The following WDR70 variants were observed in gnomAD, a reference collection of about 807,000 sequenced individuals.
WDR70 encodes the protein WD repeat domain 70.
WDR70 carries 53 observed loss-of-function variants against 88.6 expected under a neutral mutation model. The observed-to-expected ratio is 0.60, with a 90% CI of 0.48 to 0.75. The LOEUF (loss-of-function observed/expected upper bound fraction) is 0.75, where lower values mean the gene tolerates loss of function less well. Among genes scored for constraint, WDR70 ranks in the 30% least tolerant of loss-of-function variants. WDR70 has a pLI of 0.00. For synonymous variants in WDR70, 280 were observed against 270.0 expected, an observed-to-expected ratio of 1.04 and a Z score of -0.36; for missense variants, 610 against 823.2, an observed-to-expected ratio of 0.74 and a Z score of 3.17.
chr5:37,440,814 A>G (rs949027188), intron 6 of WDR70, among the ~76,000 whole-genome samples: 3 of 152,230 alleles, frequency 2.0e-5, no homozygotes, highest in African/African-American at 4.8e-5. Flanking sequence ...TCTTAGGAGA[A>G]CAGTCAAGTT....
chr5:37,585,954 T>C (rs907595311), intron 9 of WDR70, among the ~76,000 whole-genome samples: 3 of 152,214 alleles, frequency 2.0e-5, no homozygotes, highest in Non-Finnish European at 4.4e-5. Flanking sequence ...CTCCCACTTC[T>C]ACCCCTCAAG....
intron 9 of WDR70, among the ~76,000 whole-genome samples, chr5:37,579,582 C>CAAA (rs201135421): frequency 2.7e-4 from 22 of 82,702 alleles, no homozygotes; most frequent in African/African-American, 7.5e-4. Context: ...GACTCTGTCT[C>CAAA]AAAAAAAAAA....
In WDR70 at chr5:37,443,361, G is replaced by A; in HGVS notation, c.675G>A (p.Gln225=). ...CTTTTAAGGCATTTCGATCCCTTCA[G>A]CCCTGTGAGTGGTATGTATTCACTT... ...DASFKAFRSL[Q]PCECHQIKSL... Residue 225 remains glutamine, a synonymous_variant, in exon 7 of 18, where the codon CAG becomes CAA. Transcript: ENST00000265107. 1 of 1,613,850 alleles carries A rather than the reference G, an allele frequency of 6.2e-7. No individual in the cohort carries two copies. Among genetic ancestry groups the A allele is most frequent in the Non-Finnish European group, 8.5e-7 (1 of 1,179,844 alleles).
At chr5:37,727,152 CT>C in intron 17 of WDR70, 107 bp downstream of exon 17, 2 of 1,357,416 alleles carry the variant, frequency 1.5e-6, no homozygotes, top group Non-Finnish European at 2.0e-6. Flanking sequence ...TTATTTCATA[CT>C]TAGATATGAA....
intron 17 of WDR70, among the ~76,000 whole-genome samples, chr5:37,732,162 A>G (rs1199682225): frequency 6.6e-6 from 1 of 152,126 alleles, no homozygotes; most frequent in Non-Finnish European, 1.5e-5. Flanking sequence ...CCTTCATTCT[A>G]CTGCTTAGAG....
At chr5:37,485,819 G>A (rs559065858) in intron 8 of WDR70, among the ~76,000 whole-genome samples, 2 of 148,484 alleles carry the variant, frequency 1.3e-5, no homozygotes, top group Admixed American at 6.7e-5. Context: ...AGCCTCCCGA[G>A]TAGCTAAGAC....
intron 5 of WDR70, among the ~76,000 whole-genome samples, chr5:37,409,711 G>T (rs1213378020): frequency 6.6e-6 from 1 of 151,890 alleles, no homozygotes; most frequent in African/African-American, 2.4e-5. Flanking sequence ...CACCATGCTG[G>T]CCGGGCTGGT....
At chr5:37,415,615 AC>A (rs529270924) in intron 5 of WDR70, among the ~76,000 whole-genome samples, 24 of 115,694 alleles carry the variant, frequency 2.1e-4, no homozygotes, top group South Asian at 5.7e-4. Flanking sequence ...CGAGGGGCTG[AC>A]CCCCCCCACC....
chr5:37,511,710 TCTATTTAA>T (rs1166418618), intron 8 of WDR70, among the ~76,000 whole-genome samples: 7 of 152,306 alleles, frequency 4.6e-5, no homozygotes, highest in African/African-American at 1.4e-4. Flanking sequence ...ACCCTTAATT[TCTATTTAA>T]CATCAGAGAG....
At chr5:37,514,336 C>CTATATATATATATATATATATATATA (rs1385732925) in intron 8 of WDR70, among the ~76,000 whole-genome samples, 4 of 10,966 alleles carry the variant, frequency 3.6e-4, no homozygotes, top group Non-Finnish European at 3.0e-3. Context: ...ATATTTAGAA[C>CTATATATATATATATATATATATATA]TACATATATA....
chr5:37,720,831 C>A (rs1204430526), intron 13 of WDR70, among the ~76,000 whole-genome samples: 2 of 152,052 alleles, frequency 1.3e-5, no homozygotes, highest in African/African-American at 2.4e-5. Flanking sequence ...TGGTAATGGA[C>A]CTGGGAAACC....
intron 10 of WDR70, among the ~76,000 whole-genome samples, chr5:37,673,582 T>A (rs926576866): frequency 8.2e-5 from 4 of 48,592 alleles, no homozygotes; most frequent in Non-Finnish European, 1.6e-4. Flanking sequence ...TGACTTTTCT[T>A]ACCCCCCCCC....
intron 5 of WDR70, among the ~76,000 whole-genome samples, chr5:37,428,021 T>C (rs77105527): frequency 0.048 from 7,206 of 151,422 alleles, 186 homozygotes; most frequent in South Asian, 0.074. Flanking sequence ...TTTTTTTTTT[T>C]CCCTGCTGTC....
intron 9 of WDR70, among the ~76,000 whole-genome samples, chr5:37,546,814 A>C (rs1742011895): frequency 6.6e-6 from 1 of 152,052 alleles, no homozygotes; most frequent in Admixed American, 6.6e-5. Flanking sequence ...GTTCCTCAGG[A>C]GGCTGAGGCA....
chr5:37,709,129 A>G (rs1438939421), intron 13 of WDR70, among the ~76,000 whole-genome samples: 2 of 152,226 alleles, frequency 1.3e-5, no homozygotes, highest in African/African-American at 2.4e-5. Flanking sequence ...TTGAAAGACT[A>G]CATTTGGCAT....
chr5:37,470,472 C>T (rs1739293192), intron 7 of WDR70, among the ~76,000 whole-genome samples: 1 of 152,170 alleles, frequency 6.6e-6, no homozygotes, highest in South Asian at 2.1e-4. Context: ...GTGTTACCAG[C>T]ACCAGAAACT....
intron 5 of WDR70, among the ~76,000 whole-genome samples, chr5:37,404,375 T>C (rs1749290316): frequency 6.6e-6 from 1 of 152,208 alleles, no homozygotes; most frequent in African/African-American, 2.4e-5. Context: ...GGAATGAAAT[T>C]ATTGCTTTTT....
At chr5:37,744,082 G>A (rs1581543490) in intron 17 of WDR70, among the ~76,000 whole-genome samples, 1 of 152,144 alleles carries the variant, frequency 6.6e-6, no homozygotes, top group Non-Finnish European at 1.5e-5. Context: ...CACCTTGGCT[G>A]CCCTCCAGCC....
intron 7 of WDR70, among the ~76,000 whole-genome samples, chr5:37,459,081 T>G (rs1738917522): frequency 2.3e-5 from 1 of 43,676 alleles, no homozygotes; most frequent in African/African-American, 7.0e-5. Flanking sequence ...CATTTCGTTA[T>G]GTACCCAGTA....
Sources: gnomAD v4.1 joint callset for allele counts (sites outside exome capture counted in the v4.1 genomes callset) on GRCh38, gnomAD v4.1.1 for gene constraint, MANE v1.5 for transcripts, NCBI Gene and HGNC (gene_info 2026-07-23, HGNC 2026-07-21) for gene names.